KIF13B: variants seen among roughly 807,000 people sequenced by gnomAD.
KIF13B encodes kinesin family member 13B.
In KIF13B, 127 loss-of-function variants were observed where a neutral mutation model predicts 222.0. The ratio of observed to expected loss-of-function variants is 0.57; its 90% confidence interval spans 0.50 to 0.66. KIF13B has a LOEUF of 0.66. Ranked by LOEUF, KIF13B falls within the 30% of genes least tolerant of loss-of-function variation. KIF13B has a pLI of 0.00. For synonymous variants in KIF13B, 976 were observed against 919.0 expected, an observed-to-expected ratio of 1.06 and a Z score of -1.12; for missense variants, 2,173 against 2,379.0, an observed-to-expected ratio of 0.91 and a Z score of 1.80.
chr8:29,094,171 A>C (rs965307907), intron 36 of KIF13B, among the ~76,000 whole-genome samples: 6 of 148,816 alleles, frequency 4.0e-5, no homozygotes, highest in Admixed American at 1.3e-4. Flanking sequence ...CCACCCTACC[A>C]CATGCATCCT....
intron 1 of KIF13B, among the ~76,000 whole-genome samples, chr8:29,250,556 G>A (rs895244930): frequency 6.6e-6 from 1 of 152,152 alleles, no homozygotes; most frequent in African/African-American, 2.4e-5. Context: ...ACTTAAAAAT[G>A]TCCCTTACAT....
intron 36 of KIF13B, among the ~76,000 whole-genome samples, chr8:29,094,020 T>C (rs1808412888): frequency 6.6e-6 from 1 of 152,228 alleles, no homozygotes; most frequent in Non-Finnish European, 1.5e-5. Flanking sequence ...CTGTATCAAA[T>C]TAAACTAACA....
chr8:29,175,906 G>A (rs1478565575), intron 10 of KIF13B, among the ~76,000 whole-genome samples, 162 bp downstream of exon 10: 1 of 152,150 alleles, frequency 6.6e-6, no homozygotes, highest in East Asian at 1.9e-4. Context: ...AAAAACCTAC[G>A]TTTATTCCAT....
At chr8:29,259,213 G>C (rs1816595600) in intron 1 of KIF13B, among the ~76,000 whole-genome samples, 1 of 151,624 alleles carries the variant, frequency 6.6e-6, no homozygotes, top group African/African-American at 2.4e-5. Context: ...TGATTACCAA[G>C]GCACTGACTC....
At chr8:29,072,364 C>A in intron 38 of KIF13B, 48 bp from the exon 39 acceptor site, 1 of 1,287,518 alleles carries the variant, frequency 7.8e-7, no homozygotes, top group Non-Finnish European at 1.0e-6. Context: ...AACTTTCCAA[C>A]ACGAACCAAG....
chr8:29,228,613 G>A (rs1005732239), intron 2 of KIF13B, among the ~76,000 whole-genome samples: 3 of 151,670 alleles, frequency 2.0e-5, no homozygotes, highest in South Asian at 4.2e-4. Flanking sequence ...GCATAATTTT[G>A]ATCAAAAGAG....
At chr8:29,198,516 T>A (rs894597450) in intron 2 of KIF13B, among the ~76,000 whole-genome samples, 4 of 152,124 alleles carry the variant, frequency 2.6e-5, no homozygotes, top group Non-Finnish European at 4.4e-5. Flanking sequence ...AGAGATGGGG[T>A]TTCACCATGT....
At chr8:29,194,278 C>T (rs1813320625) in intron 3 of KIF13B, among the ~76,000 whole-genome samples, 1 of 140,098 alleles carries the variant, frequency 7.1e-6, no homozygotes, top group Non-Finnish European at 1.6e-5. Context: ...CTCTCCTCTC[C>T]ATTATTATTG....
chr8:29,180,006 A>G, intron 8 of KIF13B, 98 bp downstream of exon 8: 1 of 1,354,826 alleles, frequency 7.4e-7, no homozygotes, highest in Non-Finnish European at 1.0e-6. Context: ...ACACAAGTCT[A>G]GCCAGGACTT....
In KIF13B at chr8:29,114,052, T is replaced by C. The variant is rs1809482020; in HGVS notation, c.3838-497A>G. 7.2e-5 allele frequency among the ~76,000 whole-genome samples: 11 copies of C among 152,218 alleles called. No individual in the cohort carries two copies. In the South Asian group the frequency reaches 2.3e-3, roughly 31 times the overall value. On this transcript the variant is annotated intron_variant, in intron 31 of 39. Coordinates refer to ENST00000524189, the MANE Select transcript of KIF13B (RefSeq NM_015254.4). ...GATTTAAGAGTGCACGGTCATTGTT[T>C]ATGCTGACTGCGCTCTTTGCACAGT...
Position 29,073,158 on chromosome 8 carries a change from G to A in KIF13B, c.4522-842C>T, listed in dbSNP as rs577846145. Among the ~76,000 whole-genome samples the A allele has an allele frequency of 1.2e-3, 175 of 145,310 alleles. 4 individuals carry two copies. The highest frequency in any genetic ancestry group is 4.3e-3 in the African/African-American group (167 of 38,790). On this transcript the variant is annotated intron_variant, in intron 38 of 39. Transcript: ENST00000524189. ...AGGGGGACGAGGAGGGGGACGAGGA[G>A]GGGGATGAGGAGGGGACAAAGGCTC...
At chr8:29,200,036 A>G (rs1457319165) in intron 2 of KIF13B, among the ~76,000 whole-genome samples, 1 of 152,230 alleles carries the variant, frequency 6.6e-6, no homozygotes, top group East Asian at 1.9e-4. Flanking sequence ...ATGAAATTCA[A>G]TAACATATGA....
intron 13 of KIF13B, among the ~76,000 whole-genome samples, chr8:29,160,400 T>C (rs573566488): frequency 2.6e-5 from 4 of 152,216 alleles, no homozygotes; most frequent in Middle Eastern, 3.2e-3. Context: ...ACATAAACCA[T>C]AAAAGCTTTC....
chr8:29,092,750 G>A lies in KIF13B; in HGVS notation c.4453C>T (p.His1485Tyr), dbSNP rs779703300. 15 of 1,611,276 alleles carry A rather than the reference G, an allele frequency of 9.3e-6. No individual in the cohort carries two copies. Among genetic ancestry groups the A allele is most frequent in the Middle Eastern group, 1.6e-4 (1 of 6,064 alleles). The change falls in exon 37 of 40, where the codon CAC (histidine) becomes TAC (tyrosine). Residue 1485 changes from histidine (H) to tyrosine (Y), a missense_variant. His to Tyr is a moderately conservative substitution (Grantham distance 83). Transcript: ENST00000524189. ...GTTTTCTCGGTGCTTTTTACCTGGT[G>A]TGCGAGGGGAGACGGCCGCTTGCCC... Reference protein sequence around the residue: ...KRGKRPSPLAHQPVPRIMVQS... With the variant: ...KRGKRPSPLAYQPVPRIMVQS...
chr8:29,178,971 G>C (rs1812598324), intron 8 of KIF13B, among the ~76,000 whole-genome samples: 1 of 152,094 alleles, frequency 6.6e-6, no homozygotes, highest in Non-Finnish European at 1.5e-5. Flanking sequence ...ATCTCTGACT[G>C]GGTTTACTCT....
Position 29,132,808 on chromosome 8 carries a change from T to C in KIF13B, c.2785-343A>G, listed in dbSNP as rs17059692. 2.4e-3 allele frequency among the ~76,000 whole-genome samples: 363 copies of C among 152,368 alleles called. 10 individuals carry two copies. In the East Asian group the frequency reaches 0.057, roughly 24 times the overall value. On this transcript the variant is annotated intron_variant, in intron 22 of 39. Transcript: ENST00000524189. ...ACAACACTGATCTATAATGTGTTGA[T>C]ATAAAAGTTATATGCAATAAGGTAG... is the stretch of plus-strand genomic sequence containing the variant.
chr8:29,240,502 G>T (rs1326908778), intron 2 of KIF13B, among the ~76,000 whole-genome samples: 1 of 152,304 alleles, frequency 6.6e-6, no homozygotes, highest in African/African-American at 2.4e-5. Flanking sequence ...CATTGGAAAG[G>T]ATTTGTTAAA....
intron 13 of KIF13B, among the ~76,000 whole-genome samples, chr8:29,156,678 A>G (rs62502835): frequency 6.8e-6 from 1 of 148,014 alleles, no homozygotes; most frequent in Admixed American, 6.9e-5. Context: ...TTGACCAACT[A>G]ATTTTTTTTT....
At chr8:29,097,617 A>C (rs1808593203) in intron 36 of KIF13B, among the ~76,000 whole-genome samples, 2 of 152,220 alleles carry the variant, frequency 1.3e-5, no homozygotes. Flanking sequence ...ATGCTAGTTG[A>C]TAAGTCATGG....
Sources: allele counts gnomAD v4.1 joint callset (sites outside exome capture counted in the v4.1 genomes callset), GRCh38; gene constraint gnomAD v4.1.1; transcripts MANE v1.5; gene names NCBI Gene and HGNC (gene_info 2026-07-23, HGNC 2026-07-21).